Variants in BUD13 observed in about 807,000 individuals in gnomAD.
BUD13 encodes BUD13 spliceosome associated protein.
In BUD13, 47 loss-of-function variants were observed where a neutral mutation model predicts 62.5. The ratio of observed to expected loss-of-function variants is 0.75; its 90% CI spans 0.60 to 0.96. The LOEUF (loss-of-function observed/expected upper bound fraction) is 0.96, where lower values mean the gene tolerates loss of function less well. BUD13 is among the 40% of genes least tolerant of loss of function. BUD13 has a pLI of 0.00. For missense variants in BUD13, 821 were observed against 790.9 expected, an observed-to-expected ratio of 1.04 and a Z score of -0.46; for synonymous variants, 293 against 280.1, an observed-to-expected ratio of 1.05 and a Z score of -0.46.
chr11:116,770,858 A>G (rs1347757371), intron 1 of BUD13, among the ~76,000 whole-genome samples: 1 of 151,896 alleles, frequency 6.6e-6, no homozygotes, highest in Non-Finnish European at 1.5e-5. Context: ...CAGGGACACC[A>G]TCATGGCTCC....
chr11:116,764,999 T>C (rs1182723337), intron 3 of BUD13, among the ~76,000 whole-genome samples: 5 of 152,160 alleles, frequency 3.3e-5, no homozygotes, highest in Admixed American at 2.6e-4. Context: ...TGGAAGAGGA[T>C]AGTGGTAGCT....
rs372586595 is a variant in BUD13, at chr11:116,770,251, G to T, written c.144-29C>A. On this transcript the variant is annotated intron_variant, in intron 1 of 9. Coordinates refer to ENST00000260210, the MANE Select transcript of BUD13 (RefSeq NM_032725.4). ...AATGAGAATAAGAAGATCAAAAAGAGTCATTCTAGGATACCAGCATAAAAA... is the reference window on the plus strand; with the variant it reads ...AATGAGAATAAGAAGATCAAAAAGATTCATTCTAGGATACCAGCATAAAAA... 6.4e-6 allele frequency: 10 copies of T among 1,561,696 alleles called. No individual in the cohort carries two copies. The African/African-American group carries it at 1.4e-4, about 22-fold the overall frequency.
intron 3 of BUD13, among the ~76,000 whole-genome samples, chr11:116,763,699 GA>G (rs1463810383): frequency 6.6e-6 from 1 of 152,134 alleles, no homozygotes; most frequent in Non-Finnish European, 1.5e-5. Flanking sequence ...CATTTGTGCA[GA>G]GTTCCCAGCT....
At chr11:116,752,435 T>G (rs942040866) in intron 9 of BUD13, among the ~76,000 whole-genome samples, 4 of 151,638 alleles carry the variant, frequency 2.6e-5, no homozygotes, top group Non-Finnish European at 4.4e-5. Context: ...AAATCTAGGA[T>G]AAAATCAGAA....
rs143244574 is a variant in BUD13 at position 116,768,124 on chromosome 11, C to G, written c.237+2005G>C. 1.4e-3 allele frequency among the ~76,000 whole-genome samples: 209 copies of G among 151,946 alleles called. 2 individuals carry two copies. The highest frequency in any genetic ancestry group is 4.7e-3 in the African/African-American group (195 of 41,450). On this transcript the variant is annotated intron_variant, in intron 2 of 9. Coordinates refer to ENST00000260210, the MANE Select transcript of BUD13 (RefSeq NM_032725.4). Reference sequence around the variant, plus strand: ...AAGCAACATGGGAATATAACTAAAGCGAACCATACCCTTTGATCCACTCAT... The same window carrying G: ...AAGCAACATGGGAATATAACTAAAGGGAACCATACCCTTTGATCCACTCAT...
Position 116,762,982 on chromosome 11 carries a change from G to A in BUD13, c.607C>T (p.Pro203Ser), listed in dbSNP as rs754196161. The change falls in exon 4 of 10, where the codon CCA becomes TCA. Residue 203 changes from proline (P) to serine (S), a missense_variant. By Grantham distance (74) the Pro-to-Ser change is moderately conservative. Transcript: ENST00000260210. ...ARHDSPDPSPPRRPQHNSSGA... is the reference protein window; with the variant it reads ...ARHDSPDPSPSRRPQHNSSGA... ...GAAGAATTATGCTGAGGCCTCCTTG[G>A]GGGAGAAGGATCTGGAGAATCATGA... 1.3e-5 allele frequency: 21 copies of A among 1,613,782 alleles called. No homozygotes were observed. In the East Asian group the frequency reaches 3.6e-4, roughly 27 times the overall value.
In BUD13 at chr11:116,771,379, G is replaced by A. The variant is rs74374375; in HGVS notation, c.144-1157C>T. Among the ~76,000 whole-genome samples, 127 of 152,184 alleles carry A rather than the reference G, an allele frequency of 8.3e-4. 2 individuals are homozygous for A. The Middle Eastern group carries it at 0.031, about 37-fold the overall frequency. ...CAACACCCTACAGTAACTGGAATAC[G>A]AAATATTCAATAAATGTTTGTTACG... On this transcript the variant is annotated intron_variant, in intron 1 of 9. Transcript: ENST00000260210.
chr11:116,759,415 C>G (rs147463297), intron 5 of BUD13, among the ~76,000 whole-genome samples: 167 of 152,282 alleles, frequency 1.1e-3, no homozygotes, highest in African/African-American at 3.8e-3. Context: ...TGGAGGGCTA[C>G]GCATTTGTAT....
chr11:116,768,308 CAAAG>C (rs2134184733), intron 2 of BUD13, among the ~76,000 whole-genome samples: 1 of 152,102 alleles, frequency 6.6e-6, no homozygotes, highest in African/African-American at 2.4e-5. Flanking sequence ...ATCATACACT[CAAAG>C]AATATTTTAA....
rs190177392 is a variant in BUD13 at position 116,759,053 on chromosome 11, T to G, written c.1360+21A>C. On this transcript the variant is annotated intron_variant, in intron 6 of 9. Coordinates refer to ENST00000260210, the MANE Select transcript of BUD13 (RefSeq NM_032725.4). ...AAAACAGTATGAGCCTAAATTGGTCTCTGCACTTTCATATTTTTACCTTCA... is the reference window on the plus strand; with the variant it reads ...AAAACAGTATGAGCCTAAATTGGTCGCTGCACTTTCATATTTTTACCTTCA... 5.9e-4 allele frequency: 930 copies of G among 1,575,354 alleles called. No individual in the cohort carries two copies. In the African/African-American group the frequency reaches 7.1e-3, roughly 12 times the overall value.
At chr11:116,760,701 C>T (rs370077873) in intron 5 of BUD13, 34 bp downstream of exon 5, 56 of 1,602,896 alleles carry the variant, frequency 3.5e-5, no homozygotes, top group Middle Eastern at 1.7e-4. Flanking sequence ...AAGAGTCACA[C>T]GAAAAGAAGG....
intron 9 of BUD13, among the ~76,000 whole-genome samples, chr11:116,756,694 C>T (rs1170867452): frequency 2.0e-5 from 3 of 152,034 alleles, no homozygotes; most frequent in Non-Finnish European, 4.4e-5. Flanking sequence ...TACGTGGGTA[C>T]AGATGTTGGT....
chr11:116,754,200 C>T (rs117728849), intron 9 of BUD13, among the ~76,000 whole-genome samples: 2,812 of 152,310 alleles, frequency 0.018, 95 homozygotes, highest in East Asian at 0.13. Flanking sequence ...CGTGTGCCAC[C>T]ATGCCCGACT....
At chr11:116,752,683 A>C (rs1940257722) in intron 9 of BUD13, among the ~76,000 whole-genome samples, 1 of 152,232 alleles carries the variant, frequency 6.6e-6, no homozygotes, top group Non-Finnish European at 1.5e-5. Context: ...CATACAGTGA[A>C]CTGCAAACGG....
chr11:116,767,913 C>A (rs1294912818), intron 2 of BUD13, among the ~76,000 whole-genome samples: 5 of 151,204 alleles, frequency 3.3e-5, no homozygotes, highest in African/African-American at 1.2e-4. Flanking sequence ...GTAGAGGCTA[C>A]AATGGGGCAT....
At position 116,748,554 on chromosome 11, in the gene BUD13, CT is replaced by C; in HGVS notation, c.1787del (p.Lys596SerfsTer37). The part of the protein sequence containing the change: ...GVDRSNGFEQ[K>X]RFARLASKKA... ...TCTTGCTGGCAAGCCTGGCAAAGCG[CT>C]TCTGTTCAAATCCATTGGATCTGCA... On this transcript the variant is annotated frameshift_variant, in exon 10 of 10. Coordinates refer to ENST00000260210, the MANE Select transcript of BUD13 (RefSeq NM_032725.4). LOFTEE classifies it high-confidence loss of function. 1 of 1,614,220 alleles carries C rather than the reference CT, an allele frequency of 6.2e-7. No individual in the cohort carries two copies. The highest frequency in any genetic ancestry group is 1.1e-5 in the South Asian group (1 of 91,090).
At chr11:116,768,658 T>C (rs1007209585) in intron 2 of BUD13, among the ~76,000 whole-genome samples, 1 of 152,188 alleles carries the variant, frequency 6.6e-6, no homozygotes, top group Non-Finnish European at 1.5e-5. Flanking sequence ...AAGATCACTA[T>C]TTCCCTTCTA....
chr11:116,763,353 T>A, intron 3 of BUD13, 87 bp from the exon 4 acceptor site: 2 of 1,248,958 alleles, frequency 1.6e-6, no homozygotes, highest in Non-Finnish European at 2.2e-6. Context: ...GATGCTCCAG[T>A]AGCACATACC....
intron 9 of BUD13, among the ~76,000 whole-genome samples, chr11:116,750,869 C>G (rs1478817040): frequency 2.0e-5 from 3 of 152,212 alleles, no homozygotes. Flanking sequence ...TCTCATCCAT[C>G]TCACGCTTTA....
Sources: gnomAD v4.1 joint callset for allele counts (sites outside exome capture counted in the v4.1 genomes callset) on GRCh38, gnomAD v4.1.1 for gene constraint, MANE v1.5 for transcripts, NCBI Gene and HGNC (gene_info 2026-07-23, HGNC 2026-07-21) for gene names.